The following GOLGA1 variants were observed in gnomAD, a reference collection of about 807,000 sequenced individuals.
The protein encoded by GOLGA1 is golgin subfamily A member 1.
In GOLGA1, 63 loss-of-function variants were observed where a neutral mutation model predicts 119.7. That is an observed-to-expected ratio of 0.53 (90% CI 0.43 to 0.65). The LOEUF is 0.65. Ranked by LOEUF, GOLGA1 falls within the 30% of genes least tolerant of loss-of-function variation. The pLI is 0.00. For missense variants in GOLGA1, 798 were observed against 912.8 expected (o/e 0.87, Z 1.62); for synonymous variants, 318 against 333.4 (o/e 0.95, Z 0.50).
At chr9:124,923,605 G>C (rs1336715109) in intron 7 of GOLGA1, among the ~76,000 whole-genome samples, 1 of 150,570 alleles carries the variant, frequency 6.6e-6, no homozygotes, top group Non-Finnish European at 1.5e-5. Flanking sequence ...AAATAAATGT[G>C]TTTTAAATAA....
chr9:124,936,848 C>T (rs748007728), intron 3 of GOLGA1, among the ~76,000 whole-genome samples: 8 of 152,108 alleles, frequency 5.3e-5, no homozygotes, highest in Non-Finnish European at 1.0e-4. Context: ...AAAAGGAAAT[C>T]CAAGAAGTCT....
Position 124,908,932 on chromosome 9 carries a change from T to C in GOLGA1, c.970-460A>G, listed in dbSNP as rs142062220. On this transcript the variant is annotated intron_variant, in intron 11 of 22. Coordinates refer to ENST00000373555, the MANE Select transcript of GOLGA1 (RefSeq NM_002077.4). ...AGGTCAAAAAACAAGACTAGAAAGATAGGCAAAAGGGCCAGCTCATGAGAA... is the reference window on the plus strand; with the variant it reads ...AGGTCAAAAAACAAGACTAGAAAGACAGGCAAAAGGGCCAGCTCATGAGAA... Among the ~76,000 whole-genome samples the C allele has an allele frequency of 1.6e-3, 246 of 152,266 alleles. 1 individual carries two copies. Among genetic ancestry groups the C allele is most frequent in the African/African-American group, 5.7e-3 (236 of 41,556 alleles).
chr9:124,905,832 T>C (rs1830215160), intron 12 of GOLGA1, among the ~76,000 whole-genome samples: 1 of 152,060 alleles, frequency 6.6e-6, no homozygotes, highest in Admixed American at 6.6e-5. Context: ...ATAAATATGA[T>C]TAAAAATAAA....
intron 15 of GOLGA1, among the ~76,000 whole-genome samples, chr9:124,891,624 G>A (rs554523353): frequency 1.4e-4 from 21 of 152,096 alleles, no homozygotes; most frequent in Admixed American, 1.2e-3. Flanking sequence ...TCGCTACTAT[G>A]AGAGGGTCCC....
At chr9:124,935,297 A>T (rs769794139) in intron 3 of GOLGA1, among the ~76,000 whole-genome samples, 1 of 152,222 alleles carries the variant, frequency 6.6e-6, no homozygotes, top group Non-Finnish European at 1.5e-5. Flanking sequence ...CGTTTTATAC[A>T]CATAGCCTGA....
At chr9:124,928,413 G>GA in intron 5 of GOLGA1, 128 bp from the exon 6 acceptor site, 1 of 507,692 alleles carries the variant, frequency 2.0e-6, no homozygotes, top group Non-Finnish European at 3.5e-6. Context: ...GTGATACTAG[G>GA]AAAAGCTGGA....
upstream of GOLGA1, chr9:124,943,764 C>G (rs1032694860): frequency 6.6e-6 from 1 of 152,154 alleles, no homozygotes; most frequent in African/African-American, 2.4e-5. Context: ...ATTTGATTAT[C>G]TTAACCTTTA....
rs1336935155 is a variant in GOLGA1 at position 124,908,359 on chromosome 9, C to T, written c.1065+18G>A. 1.5e-6 allele frequency: 2 copies of T among 1,379,100 alleles called. No individual in the cohort carries two copies. Among genetic ancestry groups the T allele is most frequent in the South Asian group, 1.2e-5 (1 of 86,160 alleles). The allele number at this position is 1,379,100 out of a possible 1,614,324, so 85.4% of individuals were successfully genotyped here. ...GTTACCACCCAAACTTAGGAAACAC[C>T]AGGAGTAAGGTCAGTACCCGAGTCT... On this transcript the variant is annotated intron_variant, in intron 12 of 22. Transcript: ENST00000373555.
At position 124,881,458 on chromosome 9, in the gene GOLGA1, T is replaced by A. The variant is rs1403105688; in HGVS notation, c.2137-201A>T. ...GGGGGCCTGGCAGGCTTAAGGGAACTGCCCCAGCAGCTACCCTACCCTTTG... is the reference window on the plus strand; with the variant it reads ...GGGGGCCTGGCAGGCTTAAGGGAACAGCCCCAGCAGCTACCCTACCCTTTG... On this transcript the variant is annotated intron_variant, in intron 21 of 22. Transcript: ENST00000373555. The surrounding 1 kb of genome is among the most constrained non-coding windows in gnomAD (Gnocchi z 4.9). 2.0e-5 allele frequency among the ~76,000 whole-genome samples: 3 copies of A among 152,192 alleles called. No individual in the cohort carries two copies. The highest frequency in any genetic ancestry group is 7.2e-5 in the African/African-American group (3 of 41,460).
At chr9:124,896,032 G>A (rs914112502) in intron 15 of GOLGA1, among the ~76,000 whole-genome samples, 1 of 152,226 alleles carries the variant, frequency 6.6e-6, no homozygotes, top group African/African-American at 2.4e-5. Context: ...AACGTCAATA[G>A]CGCTGAGGTG....
chr9:124,926,094 A>G (rs368643597), intron 7 of GOLGA1, among the ~76,000 whole-genome samples: 1 of 152,332 alleles, frequency 6.6e-6, no homozygotes, highest in African/African-American at 2.4e-5. Context: ...AGAGACGGCC[A>G]TCTCAAATCA....
chr9:124,926,459 G>T (rs1830675298), intron 7 of GOLGA1, among the ~76,000 whole-genome samples: 1 of 152,076 alleles, frequency 6.6e-6, no homozygotes, highest in Non-Finnish European at 1.5e-5. Context: ...AGTTTCTATC[G>T]GCGTTCAGGT....
intron 1 of GOLGA1, chr9:124,947,754 CT>C (rs1306020411): frequency 6.6e-6 from 1 of 152,108 alleles, no homozygotes; most frequent in African/African-American, 2.4e-5. Context: ...CAAAAGAGCC[CT>C]CAAGGTAAAT....
chr9:124,883,775 C>G (rs1564319554), intron 19 of GOLGA1, among the ~76,000 whole-genome samples: 1 of 151,486 alleles, frequency 6.6e-6, no homozygotes, highest in African/African-American at 2.4e-5. Context: ...GAGACAGCAT[C>G]TCACTATGTT....
intron 9 of GOLGA1, among the ~76,000 whole-genome samples, chr9:124,921,479 A>T (rs1430000995): frequency 6.6e-6 from 1 of 152,214 alleles, no homozygotes; most frequent in Non-Finnish European, 1.5e-5. Context: ...TTAATACTTT[A>T]CAAACTAAAA....
At chr9:124,902,162 A>T (rs910091110) in intron 12 of GOLGA1, among the ~76,000 whole-genome samples, 1 of 152,106 alleles carries the variant, frequency 6.6e-6, no homozygotes, top group Non-Finnish European at 1.5e-5. Flanking sequence ...CCCAGGCTGG[A>T]GTGCAGTGGC....
chr9:124,908,475 G>C lies in GOLGA1; in HGVS notation c.970-3C>G, dbSNP rs1329189984. 2 of 1,532,620 alleles carry C rather than the reference G, an allele frequency of 1.3e-6. No homozygotes were observed. Among genetic ancestry groups the C allele is most frequent in the Non-Finnish European group, 1.8e-6 (2 of 1,105,596 alleles). 94.9% of individuals were successfully genotyped at this position (1,532,620 alleles called of 1,614,324 possible). ...AAATTCTGCTCAGCAAGTGTTTTCT[G>C]TAAGTTGAAAGAAGAGTAAAAGAAG... On this transcript the variant is annotated splice_region_variant and splice_polypyrimidine_tract_variant and intron_variant, in intron 11 of 22. Transcript: ENST00000373555.
Position 124,916,142 on chromosome 9 carries a change from CTTAT to C in GOLGA1, c.844-4120_844-4117del, listed in dbSNP as rs1320117103. On this transcript the variant is annotated intron_variant, in intron 10 of 22. Coordinates refer to ENST00000373555, the MANE Select transcript of GOLGA1 (RefSeq NM_002077.4). Reference sequence around the variant, plus strand: ...ATAAATAAATAAATACATAAATATACTTATTTAAGTAAAAAAAAAAAAGTAAGGT... The same window carrying C: ...ATAAATAAATAAATACATAAATATACTTAAGTAAAAAAAAAAAAGTAAGGT... 2.8e-5 allele frequency among the ~76,000 whole-genome samples: 4 copies of C among 144,034 alleles called. No individual in the cohort carries two copies. The East Asian group carries it at 7.4e-4, about 27-fold the overall frequency. The allele number at this position is 144,034 out of a possible 152,430, so 94.5% of individuals were successfully genotyped here. A position where few individuals can be genotyped will look rare whatever the true frequency, so the allele number is the denominator to read the frequency against.
At chr9:124,931,242 T>C (rs1830765533) in intron 4 of GOLGA1, 74 bp downstream of exon 4, 1 of 773,038 alleles carries the variant, frequency 1.3e-6, no homozygotes, top group Non-Finnish European at 2.4e-6. Flanking sequence ...TCATCCTATA[T>C]GGCTATTTTA....
Sources: gnomAD v4.1 joint callset for allele counts (sites outside exome capture counted in the v4.1 genomes callset) on GRCh38, gnomAD v4.1.1 for gene constraint, Gnocchi (gnomAD v3.1) non-coding constraint, MANE v1.5 for transcripts, NCBI Gene and HGNC (gene_info 2026-07-23, HGNC 2026-07-21) for gene names.